Variants in SHTN1 observed in about 807,000 individuals in gnomAD.
SHTN1 encodes the protein shootin-1.
Under a neutral mutation model 83.1 loss-of-function variants are expected in SHTN1, and 42 were observed. That is an observed-to-expected ratio of 0.51 (90% CI 0.39 to 0.65). The LOEUF is 0.65. Ranked by LOEUF, SHTN1 falls within the 30% of genes least tolerant of loss-of-function variation. SHTN1 has a pLI of 0.00. For missense variants in SHTN1, 622 were observed against 737.8 expected, an observed-to-expected ratio of 0.84 and a Z score of 1.82; for synonymous variants, 224 against 247.7, an observed-to-expected ratio of 0.90 and a Z score of 0.90.
chr10:117,069,164 T>C (rs1853045480), intron 1 of SHTN1, among the ~76,000 whole-genome samples: 1 of 152,026 alleles, frequency 6.6e-6, no homozygotes, highest in Admixed American at 6.5e-5. Context: ...AGGGAAGAGT[T>C]AGTTGTAAGA....
At chr10:117,109,553 CTTT>C (rs374713015) in intron 1 of SHTN1, among the ~76,000 whole-genome samples, 7 of 42,952 alleles carry the variant, frequency 1.6e-4, no homozygotes, top group East Asian at 9.3e-4. Context: ...ACATATATTA[CTTT>C]TTTTTTTTTT....
rs913782623 is a variant in SHTN1, at chr10:116,903,359, C to A, written c.1481-1402G>T. 4.6e-5 allele frequency among the ~76,000 whole-genome samples: 7 copies of A among 152,032 alleles called. No homozygotes were observed. The South Asian group carries it at 1.0e-3, about 23-fold the overall frequency. Reference sequence around the variant, plus strand: ...ACCAACCTGGCCAACATGGTGAAACCCTGTCTCTACTAGAAATCAGCCAGG... The same window carrying A: ...ACCAACCTGGCCAACATGGTGAAACACTGTCTCTACTAGAAATCAGCCAGG... On this transcript the variant is annotated intron_variant, in intron 15 of 16. Coordinates refer to ENST00000355371, the MANE Select transcript of SHTN1 (RefSeq NM_001127211.3).
chr10:116,930,854 T>G (rs1207322568), intron 9 of SHTN1, among the ~76,000 whole-genome samples: 3 of 152,194 alleles, frequency 2.0e-5, no homozygotes, highest in Non-Finnish European at 2.9e-5. Flanking sequence ...CAGCAGTGTT[T>G]AAGCGTCCCA....
At chr10:117,074,993 T>C (rs764541963) in intron 1 of SHTN1, among the ~76,000 whole-genome samples, 2 of 152,150 alleles carry the variant, frequency 1.3e-5, no homozygotes, top group Non-Finnish European at 2.9e-5. Context: ...AAAATTAAGA[T>C]ATTGTGAAGA....
chr10:117,100,490 A>G (rs1853574363), intron 1 of SHTN1, among the ~76,000 whole-genome samples: 2 of 152,198 alleles, frequency 1.3e-5, no homozygotes, highest in Non-Finnish European at 2.9e-5. Flanking sequence ...TTTTCCTGAC[A>G]GTAGTCACTT....
At chr10:116,893,576 G>GTGCACACACACACACACACACACA (rs1554905666) in intron 16 of SHTN1, among the ~76,000 whole-genome samples, 11 of 123,524 alleles carry the variant, frequency 8.9e-5, no homozygotes, top group Non-Finnish European at 1.5e-4. Context: ...GCACTCATGT[G>GTGCACACACACACACACACACACA]CACACACACA....
intron 1 of SHTN1, among the ~76,000 whole-genome samples, chr10:117,065,208 T>G (rs1852958966): frequency 6.6e-6 from 1 of 152,066 alleles, no homozygotes; most frequent in South Asian, 2.1e-4. Flanking sequence ...CTAAGGCATG[T>G]GGGGCTTCAA....
At chr10:117,001,314 G>A (rs1219288303) in intron 1 of SHTN1, among the ~76,000 whole-genome samples, 1 of 151,946 alleles carries the variant, frequency 6.6e-6, no homozygotes, top group African/African-American at 2.4e-5. Context: ...TTCACTAGGA[G>A]GGAACATAAA....
Position 117,115,054 on chromosome 10 carries a change from A to C in SHTN1, c.-189+11253T>G. On this transcript the variant is annotated intron_variant, in intron 1 of 17. Coordinates refer to the SHTN1 transcript ENST00000392901. ...TTTCTTAGGGTCCTTCTGACAGTCC[A>C]GGAAGATGCTTTTAACTCTTTGGGG... is the stretch of plus-strand genomic sequence containing the variant. Among the ~76,000 whole-genome samples, 2 of 152,242 alleles carry C rather than the reference A, an allele frequency of 1.3e-5. 1 individual carries two copies. Among genetic ancestry groups the C allele is most frequent in the Non-Finnish European group, 2.9e-5 (2 of 68,038 alleles).
At chr10:116,951,865 T>C (rs756141179) in intron 6 of SHTN1, 44 bp downstream of exon 6, 1 of 1,154,134 alleles carries the variant, frequency 8.7e-7, no homozygotes, top group Non-Finnish European at 1.3e-6. Context: ...CCCAAACACC[T>C]TGAAAATGCT....
intron 12 of SHTN1, among the ~76,000 whole-genome samples, chr10:116,920,156 G>A (rs890927516): frequency 2.0e-5 from 3 of 152,124 alleles, no homozygotes; most frequent in African/African-American, 7.2e-5. Context: ...TCATTACCAT[G>A]TTGTTTATAC....
chr10:116,966,046 C>T (rs1156547156), intron 3 of SHTN1, among the ~76,000 whole-genome samples: 6 of 151,974 alleles, frequency 3.9e-5, no homozygotes, highest in African/African-American at 1.2e-4. Flanking sequence ...CTCACCCTGT[C>T]GCCAGTCTGG....
Position 116,964,303 on chromosome 10 carries a change from A to G in SHTN1, c.173-4073T>C, listed in dbSNP as rs527692563. On this transcript the variant is annotated intron_variant, in intron 3 of 16. Coordinates refer to ENST00000355371, the MANE Select transcript of SHTN1 (RefSeq NM_001127211.3). The stretch of plus-strand genomic sequence containing the variant: ...ACAATCCTATAACGTAGGGATCATC[A>G]CAGCAATTTTATATTTGAGAACACG... Among the ~76,000 whole-genome samples the G allele has an allele frequency of 3.9e-5, 6 of 152,286 alleles. No homozygotes were observed. In the East Asian group the frequency reaches 1.2e-3, roughly 29 times the overall value.
chr10:117,056,666 C>T (rs1207175719), intron 1 of SHTN1, among the ~76,000 whole-genome samples: 1 of 152,006 alleles, frequency 6.6e-6, no homozygotes, highest in Non-Finnish European at 1.5e-5. Flanking sequence ...AAAAGATTAG[C>T]CGGGCATGGT....
chr10:116,896,863 G>C (rs1343920320), intron 16 of SHTN1, among the ~76,000 whole-genome samples: 3 of 148,606 alleles, frequency 2.0e-5, no homozygotes, highest in Non-Finnish European at 4.4e-5. Context: ...TGGGAGTGCA[G>C]TGGCACAATC....
chr10:116,894,621 G>C (rs537996124), intron 16 of SHTN1, among the ~76,000 whole-genome samples: 1 of 152,260 alleles, frequency 6.6e-6, no homozygotes, highest in African/African-American at 2.4e-5. Context: ...CTGTTGAAAT[G>C]GAACAGGAGT....
At chr10:117,116,100 A>G (rs1853841347) in intron 1 of SHTN1, among the ~76,000 whole-genome samples, 2 of 152,150 alleles carry the variant, frequency 1.3e-5, no homozygotes, top group Admixed American at 1.3e-4. Context: ...TAAGACTAAA[A>G]TAATATGGAA....
chr10:116,999,685 C>T (rs1851753680), intron 1 of SHTN1, among the ~76,000 whole-genome samples: 1 of 152,128 alleles, frequency 6.6e-6, no homozygotes, highest in South Asian at 2.1e-4. Context: ...GAGGCCTAGG[C>T]GGGTGGATCA....
upstream of SHTN1, among the ~76,000 whole-genome samples, chr10:117,005,923 G>T (rs950403527): frequency 1.1e-4 from 17 of 152,188 alleles, no homozygotes; most frequent in Non-Finnish European, 7.3e-5. Flanking sequence ...AATGCCGAAG[G>T]TCACGCAGCC....
Sources: allele counts gnomAD v4.1 joint callset (sites outside exome capture counted in the v4.1 genomes callset), GRCh38; gene constraint gnomAD v4.1.1; transcripts MANE v1.5; gene names NCBI Gene and HGNC (gene_info 2026-07-23, HGNC 2026-07-21).